The following PKHD1L1 variants were observed in gnomAD, a reference collection of about 807,000 sequenced individuals.
The protein encoded by PKHD1L1 is PKHD1 like 1, also known as fibrocystin-L.
PKHD1L1 carries 434 observed loss-of-function variants against 462.9 expected under a neutral mutation model. That is an observed-to-expected ratio of 0.94 (90% CI 0.87 to 1.02). The LOEUF is 1.02. Among genes scored for constraint, PKHD1L1 ranks in the 50% least tolerant of loss-of-function variants. PKHD1L1 has a pLI of 0.00. For missense variants in PKHD1L1, 5,202 were observed against 5,096.1 expected, an observed-to-expected ratio of 1.02 and a Z score of -0.63; for synonymous variants, 1,781 against 1,750.0, an observed-to-expected ratio of 1.02 and a Z score of -0.44.
At chr8:109,521,486 T>C (rs1820547727) in intron 73 of PKHD1L1, among the ~76,000 whole-genome samples, 1 of 152,124 alleles carries the variant, frequency 6.6e-6, no homozygotes, top group African/African-American at 2.4e-5. Flanking sequence ...TAGAAATTGG[T>C]AATGGATTAG....
Position 109,400,149 on chromosome 8 carries a change from T to C in PKHD1L1, c.1086T>C (p.Asn362=), listed in dbSNP as rs1446066797. 1.9e-6 allele frequency: 3 copies of C among 1,613,542 alleles called. No individual in the cohort carries two copies. The Admixed American group carries it at 5.0e-5, about 27-fold the overall frequency. The part of the protein sequence containing the change: ...PIRLEEILEY[N]EKTPGYMGAS... ...GTTTGGAAGAGATACTGGAATACAATGAAAAAACGCCTGGGTACATGGGTG... is the reference window on the plus strand; with the variant it reads ...GTTTGGAAGAGATACTGGAATACAACGAAAAAACGCCTGGGTACATGGGTG... The change falls in exon 13 of 78, where the codon AAT becomes AAC. Residue 362 remains asparagine, a synonymous_variant. Coordinates refer to ENST00000378402, the MANE Select transcript of PKHD1L1 (RefSeq NM_177531.6).
intron 46 of PKHD1L1, among the ~76,000 whole-genome samples, chr8:109,458,440 T>G (rs1468291724): frequency 6.6e-6 from 1 of 152,132 alleles, no homozygotes. Context: ...TTGTGACAGG[T>G]GCTGTACTAA....
Position 109,522,351 on chromosome 8 carries a change from A to G in PKHD1L1, c.12183+14A>G. 1 of 1,522,290 alleles carries G rather than the reference A, an allele frequency of 6.6e-7. No homozygotes were observed. Among genetic ancestry groups the G allele is most frequent in the Non-Finnish European group, 8.8e-7 (1 of 1,135,700 alleles). 94.3% of individuals were successfully genotyped at this position (1,522,290 alleles called of 1,614,324 possible). ...GGGTGGATTAAGGTAAGAAAATGCA[A>G]CTAGAAAAAATGCATTTTTTGGGAC... On this transcript the variant is annotated intron_variant, in intron 74 of 77. Transcript: ENST00000378402.
At chr8:109,366,626 A>G (rs1811245768) in intron 2 of PKHD1L1, among the ~76,000 whole-genome samples, 1 of 152,170 alleles carries the variant, frequency 6.6e-6, no homozygotes, top group South Asian at 2.1e-4. Flanking sequence ...AAATTTTTTA[A>G]TAAATAGAGC....
At chr8:109,480,835 C>A (rs999795593) in intron 55 of PKHD1L1, among the ~76,000 whole-genome samples, 10 of 151,944 alleles carry the variant, frequency 6.6e-5, no homozygotes, top group African/African-American at 2.4e-4. Context: ...AGACATATGG[C>A]TTTAAGGTAA....
chr8:109,372,129 C>G (rs1275850286), intron 2 of PKHD1L1, among the ~76,000 whole-genome samples: 1 of 152,120 alleles, frequency 6.6e-6, no homozygotes. Flanking sequence ...ATTCTTCCTA[C>G]CCATGAACAT....
intron 2 of PKHD1L1, among the ~76,000 whole-genome samples, chr8:109,369,959 A>G (rs1401131055): frequency 6.6e-6 from 1 of 152,168 alleles, no homozygotes; most frequent in African/African-American, 2.4e-5. Flanking sequence ...GAGGAATAAA[A>G]TGATATTTAT....
chr8:109,440,367 T>G (rs187860207), intron 32 of PKHD1L1, among the ~76,000 whole-genome samples: 1 of 152,238 alleles, frequency 6.6e-6, no homozygotes, highest in African/African-American at 2.4e-5. Context: ...CCTTTTTGTT[T>G]TAGTTTAATG....
intron 4 of PKHD1L1, among the ~76,000 whole-genome samples, chr8:109,383,604 C>T: frequency 6.7e-6 from 1 of 150,174 alleles, no homozygotes. Context: ...TGACATCTGT[C>T]TTCAAGAAGC....
chr8:109,452,595 G>T (rs1216602464), intron 42 of PKHD1L1, 123 bp from the exon 43 acceptor site: 2 of 489,024 alleles, frequency 4.1e-6, no homozygotes, highest in Admixed American at 9.6e-5. Context: ...AATGCTTATT[G>T]TTTATATATA....
At chr8:109,415,160 G>A (rs184382647) in intron 21 of PKHD1L1, among the ~76,000 whole-genome samples, 18 of 151,392 alleles carry the variant, frequency 1.2e-4, no homozygotes, top group African/African-American at 3.6e-4. Flanking sequence ...GCACTACCAC[G>A]CCCAGCTAAT....
intron 45 of PKHD1L1, 58 bp downstream of exon 45, chr8:109,454,910 G>A (rs1182031828): frequency 2.0e-6 from 3 of 1,534,492 alleles, no homozygotes; most frequent in Non-Finnish European, 2.6e-6. Context: ...GGACACCAGG[G>A]ATAATTATCC....
At chr8:109,512,282 C>A (rs1280577255) in intron 71 of PKHD1L1, among the ~76,000 whole-genome samples, 3 of 151,214 alleles carry the variant, frequency 2.0e-5, no homozygotes, top group South Asian at 2.1e-4. Flanking sequence ...TGTCTATGTC[C>A]TGAATGGTAA....
intron 60 of PKHD1L1, among the ~76,000 whole-genome samples, chr8:109,490,582 T>C (rs866933674): frequency 3.2e-4 from 49 of 151,854 alleles, no homozygotes; most frequent in African/African-American, 1.2e-3. Flanking sequence ...ATTTGAATAG[T>C]AACTCCTTGA....
chr8:109,530,202 T>C lies in PKHD1L1; in HGVS notation c.*112T>C. On this transcript the variant is annotated 3_prime_UTR_variant, in exon 78 of 78. Coordinates refer to ENST00000378402, the MANE Select transcript of PKHD1L1 (RefSeq NM_177531.6). ...TCATGAAAATATACTAAAAATATTT[T>C]TATGATATATAAAATGTACTAATTA... The C allele has an allele frequency of 1.8e-6, 1 of 549,704 alleles. No individual in the cohort carries two copies. The highest frequency in any genetic ancestry group is 2.8e-6 in the Non-Finnish European group (1 of 359,160). 34.1% of individuals were successfully genotyped at this position (549,704 alleles called of 1,614,324 possible).
chr8:109,438,455 A>T lies in PKHD1L1; in HGVS notation c.3759A>T (p.Leu1253=), dbSNP rs1366628281. 1.3e-6 allele frequency: 2 copies of T among 1,534,820 alleles called. No individual in the cohort carries two copies. Among genetic ancestry groups the T allele is most frequent in the Non-Finnish European group, 1.8e-6 (2 of 1,139,492 alleles). ...TTAGTCCAAAAGTACGAACAATACT[A>T]GGTAAGAAATTCTTCAATAAGATTG... ...TDFSPKVRTI[L]GEVNLTIKGY... is the part of the protein sequence containing the mutation. The change falls in exon 31 of 78, where the codon CTA becomes CTT. Residue 1253 remains leucine (L), a splice_region_variant and synonymous_variant. Transcript: ENST00000378402.
rs1813553580 is a variant in PKHD1L1 at position 109,406,656 on chromosome 8, TA to T, written c.1813+180del. On this transcript the variant is annotated intron_variant, in intron 17 of 77. Transcript: ENST00000378402. Reference sequence around the variant, plus strand: ...TTGTATTTCAAGGAATGTACAACTCTAATGCATGAGAAATGCACTATACATA... The same window carrying T: ...TTGTATTTCAAGGAATGTACAACTCTATGCATGAGAAATGCACTATACATA... Among the ~76,000 whole-genome samples the T allele has an allele frequency of 2.0e-5, 3 of 152,232 alleles. No individual in the cohort carries two copies. In the South Asian group the frequency reaches 6.2e-4, roughly 31 times the overall value.
At chr8:109,457,520 T>A (rs1353327459) in intron 46 of PKHD1L1, among the ~76,000 whole-genome samples, 1 of 152,156 alleles carries the variant, frequency 6.6e-6, no homozygotes, top group African/African-American at 2.4e-5. Flanking sequence ...ATAAATCCTA[T>A]TTGAGAGTTT....
chr8:109,369,043 G>A (rs1003275043), intron 2 of PKHD1L1, among the ~76,000 whole-genome samples: 7 of 151,558 alleles, frequency 4.6e-5, no homozygotes, highest in African/African-American at 1.5e-4. Context: ...GCAATGGCAC[G>A]ATCTCGACTC....
Sources: gnomAD v4.1 joint callset for allele counts (sites outside exome capture counted in the v4.1 genomes callset) on GRCh38, gnomAD v4.1.1 for gene constraint, MANE v1.5 for transcripts, NCBI Gene and HGNC (gene_info 2026-07-23, HGNC 2026-07-21) for gene names.